OSMR: variants seen among roughly 807,000 people sequenced by gnomAD.
OSMR encodes oncostatin M receptor, also known as oncostatin-M-specific receptor subunit beta.
In OSMR, 81 loss-of-function variants were observed where a neutral mutation model predicts 99.9. That is an observed-to-expected ratio of 0.81 (90% CI 0.68 to 0.97). The LOEUF is 0.97. OSMR is among the 50% of genes least tolerant of loss of function. OSMR has a pLI of 0.00. For missense variants in OSMR, 1,099 were observed against 1,153.4 expected, an observed-to-expected ratio of 0.95 and a Z score of 0.68; for synonymous variants, 406 against 410.4, an observed-to-expected ratio of 0.99 and a Z score of 0.13.
At position 38,933,491 on chromosome 5, in the gene OSMR, G is replaced by C. The variant is rs1746880957; in HGVS notation, c.*47G>C. ...TTATGCTACACAGACATTAAGAAGA[G>C]CAGAGCTGGCACCCTGTCATCACCA... is the stretch of plus-strand genomic sequence containing the variant. On this transcript the variant is annotated 3_prime_UTR_variant, in exon 18 of 18. Transcript: ENST00000274276. The C allele has an allele frequency of 1.9e-6, 3 of 1,607,318 alleles. No homozygotes were observed. The highest frequency in any genetic ancestry group is 2.6e-6 in the Non-Finnish European group (3 of 1,175,408).
rs771820339 is a variant in OSMR at position 38,917,663 on chromosome 5, G to T, written c.1362+41G>T. On this transcript the variant is annotated intron_variant, in intron 10 of 17. Coordinates refer to ENST00000274276, the MANE Select transcript of OSMR (RefSeq NM_003999.3). ...TCCAAAAGTCTGATTGTTTCCAAAA[G>T]TCACATTTGTGGAAACAAATGTGTC... 3 of 1,530,208 alleles carry T rather than the reference G, an allele frequency of 2.0e-6. No homozygotes were observed. In the South Asian group the frequency reaches 3.4e-5, roughly 17 times the overall value. The allele number at this position is 1,530,208 out of a possible 1,614,324, so 94.8% of individuals were successfully genotyped here. A position where few individuals can be genotyped will look rare whatever the true frequency, so the allele number is the denominator to read the frequency against.
At chr5:38,863,192 A>AGAGGGT (rs1561341316) in intron 1 of OSMR, among the ~76,000 whole-genome samples, 5 of 7,730 alleles carry the variant, frequency 6.5e-4, no homozygotes, top group Non-Finnish European at 1.3e-3. Context: ...AGGGAGAGGG[A>AGAGGGT]GAGGGGGAGG....
downstream of OSMR, among the ~76,000 whole-genome samples, chr5:38,937,098 G>A (rs142882863): frequency 0.012 from 1,846 of 152,296 alleles, 31 homozygotes; most frequent in African/African-American, 0.041. The surrounding 1 kb of genome is among the most constrained non-coding windows in gnomAD (Gnocchi z 4.0). Context: ...GCAGTGGCAC[G>A]ATCTTGGCTC....
At chr5:38,904,101 C>T (rs1745065973) in intron 8 of OSMR, 77 bp downstream of exon 8, 5 of 1,581,784 alleles carry the variant, frequency 3.2e-6, no homozygotes, top group Non-Finnish European at 4.3e-6. Flanking sequence ...AATAAAATCA[C>T]TTTAAACTCT....
chr5:38,930,285 T>C (rs569521948), intron 15 of OSMR, among the ~76,000 whole-genome samples: 185 of 152,282 alleles, frequency 1.2e-3, no homozygotes, highest in Non-Finnish European at 2.2e-3. Context: ...TTTTCCAGGG[T>C]CAGGGTTAAT....
chr5:38,872,836 C>T (rs546503673), intron 2 of OSMR, among the ~76,000 whole-genome samples: 26 of 151,972 alleles, frequency 1.7e-4, no homozygotes, highest in South Asian at 2.1e-4. Flanking sequence ...TTTTAAAAAG[C>T]GCATGGGAAA....
intron 1 of OSMR, chr5:38,941,118 T>C (rs571835787): frequency 4.3e-6 from 1 of 232,910 alleles, no homozygotes; most frequent in South Asian, 1.8e-4. Flanking sequence ...TTTAGACATA[T>C]ACAAATTAAA....
At position 38,893,156 on chromosome 5, in the gene OSMR, G is replaced by A. The variant is rs531617831; in HGVS notation, c.991+6966G>A. On this transcript the variant is annotated intron_variant, in intron 7 of 17. Coordinates refer to ENST00000274276, the MANE Select transcript of OSMR (RefSeq NM_003999.3). ...TCTTACCCGCAAGTGTCATCTACTG[G>A]CCTATAGGCCAAGCCATGCAGCTCC... is the stretch of plus-strand genomic sequence containing the variant. Among the ~76,000 whole-genome samples, 3 of 152,334 alleles carry A rather than the reference G, an allele frequency of 2.0e-5. No homozygotes were observed. In the East Asian group the frequency reaches 5.8e-4, roughly 29 times the overall value.
intron 9 of OSMR, among the ~76,000 whole-genome samples, chr5:38,916,201 G>A (rs1000154714): frequency 1.3e-5 from 2 of 152,138 alleles, no homozygotes; most frequent in Non-Finnish European, 2.9e-5. Context: ...TGATTAAAAC[G>A]TGTGCCTTTT....
downstream of OSMR, chr5:38,940,144 A>C (rs11555957): frequency 0.47 from 67,510 of 142,620 alleles, 8,876 homozygotes; most frequent in African/African-American, 0.5. Flanking sequence ...AAAAAAAAAC[A>C]AAAAAAAAAA....
In OSMR at chr5:38,934,136, C is replaced by T. The variant is rs112205722; in HGVS notation, c.*692C>T. On this transcript the variant is annotated 3_prime_UTR_variant, in exon 18 of 18. Transcript: ENST00000274276. ...AAAGAATGGGATTGGCAAGTAACTT[C>T]TGACTTACTGTCAGTTGTACTTCTG... 2 of 152,656 alleles carry T rather than the reference C, an allele frequency of 1.3e-5. No homozygotes were observed. Among genetic ancestry groups the T allele is most frequent in the African/African-American group, 4.8e-5 (2 of 41,440 alleles). 9.5% of individuals were successfully genotyped at this position (152,656 alleles called of 1,614,324 possible). A position where few individuals can be genotyped will look rare whatever the true frequency, so the allele number is the denominator to read the frequency against.
At chr5:38,874,599 C>A (rs113073209) in intron 2 of OSMR, among the ~76,000 whole-genome samples, 194 of 152,240 alleles carry the variant, frequency 1.3e-3, no homozygotes, top group Admixed American at 3.3e-3. Flanking sequence ...CATGCAGAGC[C>A]CCATCCTGTC....
intron 1 of OSMR, among the ~76,000 whole-genome samples, chr5:38,864,650 T>C (rs1226097804): frequency 6.6e-6 from 1 of 152,042 alleles, no homozygotes; most frequent in African/African-American, 2.4e-5. Context: ...TCCTTATATA[T>C]GACTTGATGC....
intron 8 of OSMR, 151 bp from the exon 9 acceptor site, chr5:38,904,202 T>G: frequency 1.3e-6 from 2 of 1,524,976 alleles, no homozygotes; most frequent in South Asian, 2.5e-5. Context: ...AAATGGGCCT[T>G]GAAGATTTTT....
intron 1 of OSMR, chr5:38,943,229 G>A: frequency 2.9e-6 from 1 of 346,244 alleles, no homozygotes; most frequent in South Asian, 6.0e-5. Context: ...TTTTTTATTG[G>A]CATGAGAAAT....
intron 9 of OSMR, among the ~76,000 whole-genome samples, chr5:38,906,676 T>C (rs1362025298): frequency 1.3e-5 from 2 of 152,206 alleles, no homozygotes; most frequent in Admixed American, 1.3e-4. Context: ...TAAAAATATA[T>C]GGCCACCTTT....
rs138837247 is a variant in OSMR, at chr5:38,934,554, CT to C, written c.*1114del. The C allele has an allele frequency of 6.6e-6, 1 of 152,222 alleles. No homozygotes were observed. Among genetic ancestry groups the C allele is most frequent in the African/African-American group, 2.4e-5 (1 of 41,526 alleles). The allele number at this position is 152,222 out of a possible 1,614,324, so 9.4% of individuals were successfully genotyped here. ...ACTGGTATTTTAGTACATGTTGGTT[CT>C]TTTGGTGCAATCTCAGCTCACTGCA... is the stretch of plus-strand genomic sequence containing the variant. On this transcript the variant is annotated 3_prime_UTR_variant, in exon 18 of 18. Transcript: ENST00000274276.
At chr5:38,903,248 G>T (rs772445908) in intron 7 of OSMR, among the ~76,000 whole-genome samples, 2 of 152,216 alleles carry the variant, frequency 1.3e-5, no homozygotes, top group Non-Finnish European at 2.9e-5. Flanking sequence ...GATAACACAA[G>T]CCTTGGATTT....
chr5:38,861,431 G>T (rs1226192042), intron 1 of OSMR, among the ~76,000 whole-genome samples: 4 of 152,160 alleles, frequency 2.6e-5, no homozygotes, highest in Admixed American at 1.3e-4. Context: ...AGAGCACAGG[G>T]TTGGGGGTAA....
Sources: allele counts gnomAD v4.1 joint callset (sites outside exome capture counted in the v4.1 genomes callset), GRCh38; gene constraint gnomAD v4.1.1; non-coding constraint Gnocchi (gnomAD v3.1); transcripts MANE v1.5; gene names NCBI Gene and HGNC (gene_info 2026-07-23, HGNC 2026-07-21).